CD209: variants seen among roughly 807,000 people sequenced by gnomAD.
The protein encoded by CD209 is CD209 molecule.
Under a neutral mutation model 44.7 loss-of-function variants are expected in CD209, and 31 were observed. The ratio of observed to expected loss-of-function variants is 0.69; its 90% CI spans 0.52 to 0.94. The LOEUF is 0.94. CD209 is among the 40% of genes least tolerant of loss of function. CD209 has a pLI of 0.00. For missense variants in CD209, 407 were observed against 452.4 expected (o/e 0.90, Z 0.91); for synonymous variants, 173 against 181.3 (o/e 0.95, Z 0.37).
chr19:7,747,450 C>G lies in CD209; in HGVS notation c.46+16G>C, dbSNP rs2033879848. On this transcript the variant is annotated intron_variant, in intron 1 of 6. Coordinates refer to ENST00000315599, the MANE Select transcript of CD209 (RefSeq NM_021155.4). ...TTCCCCCTTCCCAGAATCCCAGCGT[C>G]CCAACCCAGCCTCACCCAGGAGGCC... is the stretch of plus-strand genomic sequence containing the variant. The G allele has an allele frequency of 1.2e-6, 2 of 1,614,230 alleles. No homozygotes were observed. Among genetic ancestry groups the G allele is most frequent in the Non-Finnish European group, 1.7e-6 (2 of 1,180,040 alleles).
rs370692532 is a variant in CD209 at position 7,747,382 on chromosome 19, G to A, written c.47-17C>T. 5 of 1,614,088 alleles carry A rather than the reference G, an allele frequency of 3.1e-6. No homozygotes were observed. The African/African-American group carries it at 6.7e-5, about 22-fold the overall frequency. On this transcript the variant is annotated splice_polypyrimidine_tract_variant and intron_variant, in intron 1 of 6. Coordinates refer to ENST00000315599, the MANE Select transcript of CD209 (RefSeq NM_021155.4). ...GTTCCTCCTCTGAATGGATAGACGT[G>A]AAATCAGAGCCTGGGCAGGCTGAGG... is the stretch of plus-strand genomic sequence containing the variant.
rs755075001 is a variant in CD209 at position 7,745,787 on chromosome 19, A to T, written c.479T>A (p.Leu160His). The T allele has an allele frequency of 1.4e-5, 22 of 1,603,646 alleles. 1 individual carries two copies. In the South Asian group the frequency reaches 2.3e-4, roughly 17 times the overall value. Residue 160 changes from leucine (L) to histidine (H), a missense_variant, in exon 4 of 7, where the codon CTT (leucine) becomes CAT (histidine). Around this residue, in one of 3 missense-constraint regions of CD209, gnomAD observed 85 missense variants for 139.9 expected, o/e 0.61. Transcript: ENST00000315599. The part of the protein sequence containing the change: ...LTWLKAAVGE[L>H]PEKSKMQEIY... ...CTCCTGCATCTTAGATTTCTCTGGA[A>T]GCTCACCCACTGCAGCCTTCAGCCA...
chr19:7,744,364 C>A (rs2033728414), intron 5 of CD209, 145 bp from the exon 6 acceptor site: 5 of 638,556 alleles, frequency 7.8e-6, no homozygotes, highest in South Asian at 7.5e-5. Context: ...GTGTCTGAGT[C>A]CCTCTCACAT....
Position 7,744,849 on chromosome 19 carries a change from C to G in CD209, c.900+92G>C, listed in dbSNP as rs11465385. The G allele has an allele frequency of 2.6e-6, 4 of 1,531,674 alleles. No homozygotes were observed. The South Asian group carries it at 4.9e-5, about 19-fold the overall frequency. 94.9% of individuals were successfully genotyped at this position (1,531,674 alleles called of 1,614,324 possible). A position where few individuals can be genotyped will look rare whatever the true frequency, so the allele number is the denominator to read the frequency against. Reference sequence around the variant, plus strand: ...TCCCTTCTTTCCAAGTGGAGCAAAACCCCTCTTCTGCAAAGTCATCTCTGA... The same window carrying G: ...TCCCTTCTTTCCAAGTGGAGCAAAAGCCCTCTTCTGCAAAGTCATCTCTGA... On this transcript the variant is annotated intron_variant, in intron 5 of 6. Transcript: ENST00000315599.
At chr19:7,746,198 C>G (rs887692842) in intron 3 of CD209, 111 bp from the exon 4 acceptor site, 9 of 1,476,280 alleles carry the variant, frequency 6.1e-6, no homozygotes, top group Non-Finnish European at 6.4e-6. Flanking sequence ...TTGGTTAATC[C>G]CCTTTGAAGA....
chr19:7,742,015 C>A lies in CD209; in HGVS notation c.*1024G>T. ...GAAGAAATAGTGACCGCAGCGGGGGCCGGTGCAGCCGCAGTGAGAACGGCC... is the reference window on the plus strand; with the variant it reads ...GAAGAAATAGTGACCGCAGCGGGGGACGGTGCAGCCGCAGTGAGAACGGCC... On this transcript the variant is annotated 3_prime_UTR_variant, in exon 7 of 7. Transcript: ENST00000315599. 3.2e-6 allele frequency: 1 copy of A among 313,124 alleles called. No homozygotes were observed. The highest frequency in any genetic ancestry group is 9.2e-5 in the East Asian group (1 of 10,912). 19.4% of individuals were successfully genotyped at this position (313,124 alleles called of 1,614,324 possible).
chr19:7,743,213 C>G lies in CD209; in HGVS notation c.1041G>C (p.Glu347Asp). 1 of 1,614,106 alleles carries G rather than the reference C, an allele frequency of 6.2e-7. No homozygotes were observed. The highest frequency in any genetic ancestry group is 8.5e-7 in the Non-Finnish European group (1 of 1,179,958). The stretch of plus-strand genomic sequence containing the variant: ...AGTCTTCCTCCCCAACGTTGTTGGG[C>G]TCTCCTCTGTTCCAATACTGCTTGA... ...PSFKQYWNRG[E>D]PNNVGEEDCA... is the part of the protein sequence containing the mutation. The change falls in exon 7 of 7, where the codon GAG (glutamate) becomes GAC (aspartate). Residue 347 changes from glutamate to aspartate, a missense_variant. By Grantham distance (45) the Glu-to-Asp change is conservative (BLOSUM62 2). This residue lies in a region of CD209 where 200 missense variants were observed against 202.2 expected (regional missense o/e 0.99). Transcript: ENST00000315599.
Position 7,745,831 on chromosome 19 carries a change from C to T in CD209, c.435G>A (p.Glu145=). The stretch of plus-strand genomic sequence containing the variant: ...TCAGCCAGGTCAGCTCCTGGTAGAT[C>T]TCCTGCAGCTTAGATTTCTCTGGAA... ...GELPEKSKLQ[E]IYQELTWLKA... is the part of the protein sequence containing the mutation. Residue 145 remains glutamate (E), a synonymous_variant, in exon 4 of 7, where the codon GAG becomes GAA. Transcript: ENST00000315599. 2 of 1,610,908 alleles carry T rather than the reference C, an allele frequency of 1.2e-6. No individual in the cohort carries two copies. The highest frequency in any genetic ancestry group is 2.2e-5 in the South Asian group (2 of 91,000).
Position 7,747,483 on chromosome 19 carries a change from T to G in CD209, c.29A>C (p.Gln10Pro). MSDSKEPRL[Q>P]QLGLLEEEQL... ...AGCCTCACCCAGGAGGCCCAGCTGC[T>G]GCAGTCTTGGTTCCTTGGAGTCACT... The change falls in exon 1 of 7, where the codon CAG (glutamine) becomes CCG (proline). Residue 10 changes from glutamine (Q) to proline (P), a missense_variant. Physicochemically the swap from Gln to Pro is moderately conservative, Grantham distance 76. Around this residue, in one of 3 missense-constraint regions of CD209, gnomAD observed 122 missense variants for 110.3 expected, o/e 1.11. Coordinates refer to ENST00000315599, the MANE Select transcript of CD209 (RefSeq NM_021155.4). 1.2e-6 allele frequency: 2 copies of G among 1,614,244 alleles called. No homozygotes were observed. The highest frequency in any genetic ancestry group is 2.2e-5 in the East Asian group (1 of 44,886).
Position 7,747,521 on chromosome 19 carries a change from C to T in CD209, c.-10G>A. The T allele has an allele frequency of 6.2e-7, 1 of 1,614,134 alleles. No individual in the cohort carries two copies. Among genetic ancestry groups the T allele is most frequent in the Non-Finnish European group, 8.5e-7 (1 of 1,180,010 alleles). ...CCTTGGAGTCACTCATGTCACCCCACTCTCCCCCAGTGTCCAGAACTCCTG... is the reference window on the plus strand; with the variant it reads ...CCTTGGAGTCACTCATGTCACCCCATTCTCCCCCAGTGTCCAGAACTCCTG... On this transcript the variant is annotated 5_prime_UTR_variant, in exon 1 of 7. The change creates a new upstream start codon in the 5' untranslated region. Transcript: ENST00000315599.
chr19:7,742,991 C>T lies in CD209; in HGVS notation c.*48G>A, dbSNP rs775655494. On this transcript the variant is annotated 3_prime_UTR_variant, in exon 7 of 7. Coordinates refer to ENST00000315599, the MANE Select transcript of CD209 (RefSeq NM_021155.4). ...ACAGTCCCAGAGATTTTGTGAAGGT[C>T]GAAGGATGGAGAGAAGGAACTGTAG... The T allele has an allele frequency of 5.6e-6, 8 of 1,419,182 alleles. No individual in the cohort carries two copies. The East Asian group carries it at 1.4e-4, about 24-fold the overall frequency. 87.9% of individuals were successfully genotyped at this position (1,419,182 alleles called of 1,614,324 possible). A position where few individuals can be genotyped will look rare whatever the true frequency, so the allele number is the denominator to read the frequency against.
At chr19:7,745,385 C>T (rs2033771512) in intron 4 of CD209, 133 bp downstream of exon 4, 2 of 1,523,506 alleles carry the variant, frequency 1.3e-6, no homozygotes, top group Admixed American at 1.9e-5. Flanking sequence ...ACACTGAGGG[C>T]AATGATCACA....
intron 5 of CD209, among the ~76,000 whole-genome samples, chr19:7,744,541 A>T (rs1394117929): frequency 6.6e-6 from 1 of 152,154 alleles, no homozygotes; most frequent in African/African-American, 2.4e-5. Flanking sequence ...AGAGGCAACC[A>T]TTTCCTAACT....
In CD209 at chr19:7,741,199, C is replaced by T. The variant is rs1261591360; in HGVS notation, c.*1840G>A. On this transcript the variant is annotated 3_prime_UTR_variant, in exon 7 of 7. Transcript: ENST00000315599. The stretch of plus-strand genomic sequence containing the variant: ...CAAGAACGTGGGGAGAGACTGGGCG[C>T]GGTGGCTCAGGCCTGTAATCCCAGC... The T allele has an allele frequency of 6.3e-6, 5 of 797,446 alleles. No individual in the cohort carries two copies. Among genetic ancestry groups the T allele is most frequent in the Admixed American group, 5.2e-5 (2 of 38,452 alleles). 49.4% of individuals were successfully genotyped at this position (797,446 alleles called of 1,614,324 possible). A position where few individuals can be genotyped will look rare whatever the true frequency, so the allele number is the denominator to read the frequency against.
At chr19:7,745,209 G>A (rs2033765810) in intron 4 of CD209, 117 bp from the exon 5 acceptor site, 2 of 1,372,422 alleles carry the variant, frequency 1.5e-6, no homozygotes, top group Non-Finnish European at 2.0e-6. Context: ...ACGCCGGGTA[G>A]ACCATTCCCC....
intron 6 of CD209, 148 bp downstream of exon 6, chr19:7,743,959 G>A (rs78864650): frequency 5.0e-4 from 326 of 653,628 alleles, no homozygotes; most frequent in African/African-American, 4.8e-3. Flanking sequence ...CTGGAAGTGG[G>A]TATGAAGACC....
chr19:7,747,406 G>A lies in CD209; in HGVS notation c.47-41C>T, dbSNP rs1944139153. 5 of 1,614,100 alleles carry A rather than the reference G, an allele frequency of 3.1e-6. No homozygotes were observed. The African/African-American group carries it at 4.0e-5, about 13-fold the overall frequency. ...TGAAATCAGAGCCTGGGCAGGCTGA[G>A]GCCATGGCTGGCCATCCCTTCCCCC... On this transcript the variant is annotated intron_variant, in intron 1 of 6. Transcript: ENST00000315599.
rs1465837208 is a variant in CD209, at chr19:7,742,004, C to T, written c.*1035G>A. The stretch of plus-strand genomic sequence containing the variant: ...ACCTAGCAGAGGAAGAAATAGTGAC[C>T]GCAGCGGGGGCCGGTGCAGCCGCAG... On this transcript the variant is annotated 3_prime_UTR_variant, in exon 7 of 7. Coordinates refer to ENST00000315599, the MANE Select transcript of CD209 (RefSeq NM_021155.4). 6 of 325,498 alleles carry T rather than the reference C, an allele frequency of 1.8e-5. No homozygotes were observed. Among genetic ancestry groups the T allele is most frequent in the East Asian group, 8.9e-5 (1 of 11,248 alleles). 20.2% of individuals were successfully genotyped at this position (325,498 alleles called of 1,614,324 possible).
Position 7,745,059 on chromosome 19 carries a change from G to A in CD209, c.782C>T (p.Thr261Ile). The A allele has an allele frequency of 6.2e-7, 1 of 1,614,216 alleles. No individual in the cohort carries two copies. The highest frequency in any genetic ancestry group is 8.5e-7 in the Non-Finnish European group (1 of 1,180,044). Residue 261 changes from threonine (T) to isoleucine (I), a missense_variant, in exon 5 of 7, where the codon ACA (threonine) becomes ATA (isoleucine). Thr to Ile is a moderately conservative substitution (Grantham distance 89, BLOSUM62 -1). Around this residue, in one of 3 missense-constraint regions of CD209, gnomAD observed 200 missense variants for 202.2 expected, o/e 0.99. Transcript: ENST00000315599. Reference sequence around the variant, plus strand: ...GAAGTAACAGTTTCCTTGGAAGAATGTCCATTCCCAGGGACAGGGGTGGCA... The same window carrying A: ...GAAGTAACAGTTTCCTTGGAAGAATATCCATTCCCAGGGACAGGGGTGGCA... ...RLCHPCPWEW[T>I]FFQGNCYFMS...
Sources: allele counts gnomAD v4.1 joint callset (sites outside exome capture counted in the v4.1 genomes callset), GRCh38; gene constraint gnomAD v4.1.1; regional missense constraint gnomAD v4.1.1; transcripts MANE v1.5; gene names NCBI Gene and HGNC (gene_info 2026-07-23, HGNC 2026-07-21).